Variants in CSMD1 observed in about 807,000 individuals in gnomAD.
CSMD1 encodes the protein CUB and Sushi multiple domains 1.
A neutral mutation model predicts 417.5 loss-of-function variants in CSMD1; 213 were observed. That is an observed-to-expected ratio of 0.51 (90% CI 0.46 to 0.57). The LOEUF (loss-of-function observed/expected upper bound fraction) is 0.57, where lower values mean the gene tolerates loss of function less well. Ranked by LOEUF, CSMD1 falls within the 20% of genes least tolerant of loss-of-function variation. CSMD1 has a pLI of 0.00. For missense variants in CSMD1, 6,923 were observed against 4,529.7 expected (o/e 1.53, Z -15.17); for synonymous variants, 2,862 against 1,736.8 (o/e 1.65, Z -16.11).
intron 2 of CSMD1, among the ~76,000 whole-genome samples, chr8:4,556,298 T>C (rs1358778691): frequency 6.6e-6 from 1 of 152,198 alleles, no homozygotes; most frequent in Non-Finnish European, 1.5e-5. Context: ...TTTTCATAAA[T>C]TTTAATTGTA....
chr8:4,234,891 A>C (rs1208543550), intron 3 of CSMD1, among the ~76,000 whole-genome samples: 5 of 152,178 alleles, frequency 3.3e-5, no homozygotes, highest in Non-Finnish European at 5.9e-5. Flanking sequence ...TGTGTGAACA[A>C]AAAACAGAAA....
chr8:4,746,182 G>C (rs1810939794), intron 1 of CSMD1, among the ~76,000 whole-genome samples: 2 of 151,910 alleles, frequency 1.3e-5, no homozygotes, highest in African/African-American at 4.8e-5. Context: ...AAAATTCTTT[G>C]TCCAATTCCG....
intron 3 of CSMD1, among the ~76,000 whole-genome samples, chr8:4,282,253 A>T (rs779159396): frequency 1.3e-5 from 2 of 152,240 alleles, no homozygotes; most frequent in Non-Finnish European, 2.9e-5. Flanking sequence ...AAAGGTGAAT[A>T]TAATCCATGT....
intron 10 of CSMD1, among the ~76,000 whole-genome samples, chr8:3,514,248 A>C (rs1025288647): frequency 6.6e-6 from 1 of 152,114 alleles, no homozygotes; most frequent in Admixed American, 6.5e-5. Flanking sequence ...AGTCTCTTTC[A>C]TTTTCTCAGG....
chr8:3,982,562 A>C (rs979500656), intron 5 of CSMD1, among the ~76,000 whole-genome samples: 4 of 152,132 alleles, frequency 2.6e-5, no homozygotes, highest in Non-Finnish European at 4.4e-5. Context: ...GTGCACTAGA[A>C]TTATGCGCCT....
intron 3 of CSMD1, among the ~76,000 whole-genome samples, chr8:4,044,854 G>A (rs1217178972): frequency 7.8e-6 from 1 of 127,414 alleles, no homozygotes; most frequent in East Asian, 2.3e-4. Context: ...ACCATGCTGG[G>A]GACTGCACCA....
At chr8:4,514,070 T>A (rs970951516) in intron 2 of CSMD1, among the ~76,000 whole-genome samples, 7 of 152,122 alleles carry the variant, frequency 4.6e-5, no homozygotes, top group Admixed American at 1.3e-4. Context: ...ACAAAATTTT[T>A]ATTTTATTAT....
At chr8:4,250,442 G>A (rs774055264) in intron 3 of CSMD1, among the ~76,000 whole-genome samples, 36 of 152,208 alleles carry the variant, frequency 2.4e-4, no homozygotes, top group African/African-American at 7.0e-4. Context: ...GGGAACATGC[G>A]TAATACATGA....
At chr8:3,806,175 C>T (rs1241784489) in intron 5 of CSMD1, among the ~76,000 whole-genome samples, 1 of 152,130 alleles carries the variant, frequency 6.6e-6, no homozygotes, top group Non-Finnish European at 1.5e-5. Context: ...TATAAGATAC[C>T]TTGGGTCGTC....
chr8:4,482,343 G>A (rs930105338), intron 2 of CSMD1, among the ~76,000 whole-genome samples: 2 of 152,096 alleles, frequency 1.3e-5, no homozygotes, highest in Admixed American at 1.3e-4. Context: ...AGAACATGCG[G>A]TATTCGGTTT....
At chr8:3,900,634 G>A (rs1449615129) in intron 5 of CSMD1, among the ~76,000 whole-genome samples, 3 of 151,836 alleles carry the variant, frequency 2.0e-5, no homozygotes, top group African/African-American at 7.3e-5. Flanking sequence ...GGGTAACAGT[G>A]CAGCTAGATG....
At chr8:3,947,156 A>C (rs1339190575) in intron 5 of CSMD1, among the ~76,000 whole-genome samples, 1 of 152,216 alleles carries the variant, frequency 6.6e-6, no homozygotes, top group Non-Finnish European at 1.5e-5. Context: ...GAAATTAGTT[A>C]TAAAATTTCC....
chr8:4,323,302 T>C (rs1293755431), intron 3 of CSMD1, among the ~76,000 whole-genome samples: 1 of 152,124 alleles, frequency 6.6e-6, no homozygotes, highest in Non-Finnish European at 1.5e-5. Flanking sequence ...TTTCACACAG[T>C]CTTACTCTAT....
chr8:4,247,727 T>C (rs1284493762), intron 3 of CSMD1, among the ~76,000 whole-genome samples: 1 of 152,164 alleles, frequency 6.6e-6, no homozygotes, highest in Non-Finnish European at 1.5e-5. Flanking sequence ...AACGCCCTTT[T>C]GAAAATGTAT....
chr8:4,881,043 T>C (rs1290962923), intron 1 of CSMD1, among the ~76,000 whole-genome samples: 2 of 152,010 alleles, frequency 1.3e-5, no homozygotes, highest in African/African-American at 2.4e-5. Context: ...TTTTCAGGGC[T>C]CAGTTCCCAA....
intron 3 of CSMD1, among the ~76,000 whole-genome samples, chr8:4,377,795 G>C (rs753758783): frequency 1.3e-5 from 2 of 152,136 alleles, no homozygotes; most frequent in African/African-American, 4.8e-5. Context: ...AAATATCCAA[G>C]CGTTGTACAA....
intron 33 of CSMD1, among the ~76,000 whole-genome samples, chr8:3,197,056 A>C (rs1464697680): frequency 2.0e-5 from 3 of 152,148 alleles, no homozygotes; most frequent in Non-Finnish European, 2.9e-5. Flanking sequence ...ACACACAAAA[A>C]CCCAGCAATT....
At chr8:3,713,388 C>T (rs35279296) in intron 6 of CSMD1, among the ~76,000 whole-genome samples, 49,962 of 151,806 alleles carry the variant, frequency 0.33, 8,355 homozygotes, top group East Asian at 0.49. Flanking sequence ...GAAGTGAATA[C>T]AACTATTGCT....
At chr8:3,396,101 C>G in intron 17 of CSMD1, 93 bp downstream of exon 17, 5 of 1,075,522 alleles carry the variant, frequency 4.6e-6, no homozygotes, top group Non-Finnish European at 6.8e-6. Flanking sequence ...AGTAAACTAG[C>G]ACAGTCATCT....
Sources: gnomAD v4.1 joint callset for allele counts (sites outside exome capture counted in the v4.1 genomes callset) on GRCh38, gnomAD v4.1.1 for gene constraint, MANE v1.5 for transcripts, NCBI Gene and HGNC (gene_info 2026-07-23, HGNC 2026-07-21) for gene names.